The following NCOA6 variants were observed in gnomAD, a reference collection of about 807,000 sequenced individuals.
NCOA6 encodes NRC RAP250.
Under a neutral mutation model 171.4 loss-of-function variants are expected in NCOA6, and 49 were observed. The ratio of observed to expected loss-of-function variants is 0.29; its 90% confidence interval spans 0.23 to 0.36. The LOEUF is 0.36. NCOA6 is among the 10% of genes least tolerant of loss of function. The pLI, the probability that NCOA6 is intolerant of heterozygous loss-of-function variation, is 1.00. For synonymous variants in NCOA6, 910 were observed against 927.5 expected (o/e 0.98, Z 0.34); for missense variants, 2,248 against 2,554.5 (o/e 0.88, Z 2.59).
intron 2 of NCOA6, among the ~76,000 whole-genome samples, chr20:34,787,667 C>T (rs1189953703): frequency 6.6e-6 from 1 of 152,162 alleles, no homozygotes; most frequent in African/African-American, 2.4e-5. Flanking sequence ...GGCAAGCCTC[C>T]AAAGTGGGGC....
Position 34,749,650 on chromosome 20 carries a change from G to A in NCOA6, c.2545C>T (p.His849Tyr). The stretch of plus-strand genomic sequence containing the variant: ...AAAGGTGCATTGAAAGACATCCCAT[G>A]GCCTGAGAAGTGGTTTCCCGAGGCA... ...NSASGNHFSG[H>Y]GMSFNAPFSG... The change falls in exon 9 of 15, where the codon CAT (histidine) becomes TAT (tyrosine). Residue 849 changes from histidine (H) to tyrosine (Y), a missense_variant. Physicochemically the swap from His to Tyr is moderately conservative, Grantham distance 83. Transcript: ENST00000359003. 1 of 1,614,206 alleles carries A rather than the reference G, an allele frequency of 6.2e-7. No homozygotes were observed. The highest frequency in any genetic ancestry group is 2.2e-5 in the East Asian group (1 of 44,880).
At chr20:34,762,048 CAATT>C (rs905225576) in intron 5 of NCOA6, among the ~76,000 whole-genome samples, 40 of 152,242 alleles carry the variant, frequency 2.6e-4, no homozygotes, top group African/African-American at 9.6e-4. Flanking sequence ...ACTTGGCCAT[CAATT>C]ACTCACAGAG....
At chr20:34,715,609 A>C (rs1409883867) in intron 14 of NCOA6, among the ~76,000 whole-genome samples, 1 of 152,206 alleles carries the variant, frequency 6.6e-6, no homozygotes, top group Non-Finnish European at 1.5e-5. Context: ...CACACTGACT[A>C]GAGAAAGTGC....
intron 10 of NCOA6, among the ~76,000 whole-genome samples, chr20:34,744,040 G>T (rs1455271817): frequency 6.6e-6 from 1 of 152,214 alleles, no homozygotes; most frequent in Non-Finnish European, 1.5e-5. Context: ...TTAATAAACA[G>T]TAGGAGCTAA....
At position 34,741,553 on chromosome 20, in the gene NCOA6, C is replaced by G. The variant is rs1428345669; in HGVS notation, c.4703G>C (p.Ser1568Thr). Residue 1568 changes from serine (S) to threonine (T), a missense_variant, in exon 11 of 15, where the codon AGT becomes ACT. Physicochemically the swap from Ser to Thr is moderately conservative, Grantham distance 58 (BLOSUM62 1). Around this residue, in one of 7 missense-constraint regions of NCOA6, gnomAD observed 884 missense variants for 941.9 expected, o/e 0.94. Transcript: ENST00000359003. Reference sequence around the variant, plus strand: ...AGGGATGCTTGGTGCAACGTTAGAACTGACCTCACTCAATTCGGGATGCAC... The same window carrying G: ...AGGGATGCTTGGTGCAACGTTAGAAGTGACCTCACTCAATTCGGGATGCAC... ...SLVHPELSEV[S>T]SNVAPSIPPV... 8 of 1,614,082 alleles carry G rather than the reference C, an allele frequency of 5.0e-6. No individual in the cohort carries two copies.
intron 1 of NCOA6, chr20:34,821,088 A>C (rs184650961): frequency 6.7e-6 from 1 of 149,322 alleles, no homozygotes; most frequent in African/African-American, 2.5e-5. Flanking sequence ...CAAGACGTTT[A>C]TTCATTCTCT....
chr20:34,771,305 T>A (rs187790266), intron 4 of NCOA6, among the ~76,000 whole-genome samples: 9 of 152,104 alleles, frequency 5.9e-5, no homozygotes, highest in Non-Finnish European at 1.0e-4. Flanking sequence ...TTTTAAATTT[T>A]AAATTTTTTG....
At position 34,808,468 on chromosome 20, in the gene NCOA6, C is replaced by G. The variant is rs1372539789; in HGVS notation, c.-163-15905G>C. Among the ~76,000 whole-genome samples the G allele has an allele frequency of 4.2e-5, 5 of 118,500 alleles. No homozygotes were observed. The Admixed American group carries it at 5.5e-4, about 13-fold the overall frequency. The allele number at this position is 118,500 out of a possible 152,430, so 77.7% of individuals were successfully genotyped here. On this transcript the variant is annotated intron_variant, in intron 1 of 14. Coordinates refer to ENST00000359003, the MANE Select transcript of NCOA6 (RefSeq NM_014071.5). ...TTTTTTTTTTTTTGAGTCGGAGTTT[C>G]GCTCTTGTTGCTCAGGCTGGAGTGC...
intron 5 of NCOA6, among the ~76,000 whole-genome samples, chr20:34,763,385 T>A (rs192851149): frequency 6.6e-6 from 1 of 152,328 alleles, no homozygotes; most frequent in East Asian, 1.9e-4. Context: ...AGTTATCCAC[T>A]TTGATGATTT....
chr20:34,804,658 TATAAA>T (rs1406197467), intron 1 of NCOA6, among the ~76,000 whole-genome samples: 1 of 152,052 alleles, frequency 6.6e-6, no homozygotes, highest in Non-Finnish European at 1.5e-5. Flanking sequence ...ATATTTTAAA[TATAAA>T]ATATATAAAA....
rs1454729451 is a variant in NCOA6 at position 34,744,487 on chromosome 20, TAAG to T, written c.2915-1149_2915-1147del. On this transcript the variant is annotated intron_variant, in intron 10 of 14. Coordinates refer to ENST00000359003, the MANE Select transcript of NCOA6 (RefSeq NM_014071.5). Reference sequence around the variant, plus strand: ...CATGAAGAGTACATTAGGGAGGTTTTAAGAAGGTGTAGGAATAAGAACAACTGG... The same window carrying T: ...CATGAAGAGTACATTAGGGAGGTTTTAAGGTGTAGGAATAAGAACAACTGG... 3.3e-5 allele frequency among the ~76,000 whole-genome samples: 5 copies of T among 152,224 alleles called. No homozygotes were observed. The South Asian group carries it at 1.0e-3, about 32-fold the overall frequency.
intron 2 of NCOA6, among the ~76,000 whole-genome samples, chr20:34,784,081 C>G (rs535155091): frequency 3.3e-5 from 5 of 151,938 alleles, no homozygotes; most frequent in Non-Finnish European, 7.4e-5. Context: ...TAAAAAGCAA[C>G]TATATTAGGT....
chr20:34,767,177 A>G (rs1318131314), intron 5 of NCOA6, among the ~76,000 whole-genome samples: 1 of 152,228 alleles, frequency 6.6e-6, no homozygotes, highest in Non-Finnish European at 1.5e-5. Flanking sequence ...TTATATGTGA[A>G]GAAAGTATTG....
At chr20:34,811,890 C>T (rs1264697253) in intron 1 of NCOA6, among the ~76,000 whole-genome samples, 1 of 152,144 alleles carries the variant, frequency 6.6e-6, no homozygotes, top group Admixed American at 6.5e-5. Flanking sequence ...GACAATTTGC[C>T]TAGGCATAAC....
At chr20:34,797,044 A>C (rs2078099092) in intron 1 of NCOA6, among the ~76,000 whole-genome samples, 1 of 152,134 alleles carries the variant, frequency 6.6e-6, no homozygotes. Flanking sequence ...AACAACAAAA[A>C]TGTCTCCTGC....
rs369135330 is a variant in NCOA6 at position 34,750,166 on chromosome 20, T to C, written c.2029A>G (p.Met677Val). ...GAAAGCATCTGCTTGGGTGGGGTCA[T>C]CCTTTGGGGCGAGGGCCCAAGATTT... is the stretch of plus-strand genomic sequence containing the variant. The part of the protein sequence containing the change: ...SQNLGPSPQR[M>V]TPPKQMLSQQ... Residue 677 changes from methionine to valine, a missense_variant, in exon 9 of 15, where the codon ATG (methionine) becomes GTG (valine). Physicochemically the swap from Met to Val is conservative, Grantham distance 21 (BLOSUM62 1). Around this residue, in one of 7 missense-constraint regions of NCOA6, gnomAD observed 987 missense variants for 1,104.7 expected, o/e 0.89. Transcript: ENST00000359003. 3 of 1,613,044 alleles carry C rather than the reference T, an allele frequency of 1.9e-6. No individual in the cohort carries two copies. Among genetic ancestry groups the C allele is most frequent in the African/African-American group, 2.7e-5 (2 of 74,940 alleles).
At chr20:34,802,376 C>A (rs112079307) in intron 1 of NCOA6, among the ~76,000 whole-genome samples, 5 of 152,222 alleles carry the variant, frequency 3.3e-5, no homozygotes, top group African/African-American at 1.2e-4. Context: ...CCGAGGCAGT[C>A]GGATCACGAG....
chr20:34,817,612 T>C (rs77226656), intron 1 of NCOA6, among the ~76,000 whole-genome samples: 1,528 of 152,316 alleles, frequency 0.01, 23 homozygotes, highest in African/African-American at 0.034. Flanking sequence ...GCAGCTACTT[T>C]ATGTCCTTTT....
intron 3 of NCOA6, chr20:34,776,774 C>G (rs755422506): frequency 2.1e-6 from 1 of 484,014 alleles, no homozygotes; most frequent in South Asian, 1.5e-5. Flanking sequence ...ACACCACAGG[C>G]AATGAACGGA....
Sources: gnomAD v4.1 joint callset for allele counts (sites outside exome capture counted in the v4.1 genomes callset) on GRCh38, gnomAD v4.1.1 for gene constraint, gnomAD v4.1.1 regional missense constraint, MANE v1.5 for transcripts, NCBI Gene and HGNC (gene_info 2026-07-23, HGNC 2026-07-21) for gene names.